RGS7: variants seen among roughly 807,000 people sequenced by gnomAD.
RGS7 encodes regulator of G protein signaling 7, also known as regulator of G-protein signaling 7.
A neutral mutation model predicts 81.1 loss-of-function variants in RGS7; 27 were observed. The ratio of observed to expected loss-of-function variants is 0.33; its 90% CI spans 0.25 to 0.46. RGS7 has a LOEUF of 0.46. Ranked by LOEUF, RGS7 falls within the 20% of genes least tolerant of loss-of-function variation. The pLI, the probability that RGS7 is intolerant of heterozygous loss-of-function variation, is 1.00. For missense variants in RGS7, 396 were observed against 607.4 expected (o/e 0.65, Z 3.66); for synonymous variants, 208 against 207.7 (o/e 1.00, Z -0.01).
chr1:240,942,014 G>A (rs1016232538), intron 4 of RGS7, among the ~76,000 whole-genome samples: 2 of 151,780 alleles, frequency 1.3e-5, no homozygotes, highest in African/African-American at 4.8e-5. Flanking sequence ...TTTTTGTTTG[G>A]ATATTCAAGC....
At chr1:240,806,083 T>G (rs1341534811) in intron 15 of RGS7, 57 bp downstream of exon 15, 2 of 1,426,638 alleles carry the variant, frequency 1.4e-6, no homozygotes, top group Non-Finnish European at 2.0e-6. Context: ...AATGAATACA[T>G]CTAACGCTCA....
chr1:241,256,836 G>A (rs920267519), intron 2 of RGS7, among the ~76,000 whole-genome samples: 1 of 151,648 alleles, frequency 6.6e-6, no homozygotes, highest in Non-Finnish European at 1.5e-5. Flanking sequence ...TGAGTTTTGG[G>A]GAGGCACAAA....
chr1:241,189,965 C>A (rs370145478), intron 2 of RGS7, among the ~76,000 whole-genome samples: 9 of 152,036 alleles, frequency 5.9e-5, no homozygotes, highest in South Asian at 2.1e-4. Flanking sequence ...TAGCCGGGCG[C>A]GGTGGTGGGC....
At chr1:241,261,406 G>A (rs1440761760) in intron 2 of RGS7, among the ~76,000 whole-genome samples, 2 of 151,698 alleles carry the variant, frequency 1.3e-5, no homozygotes, top group African/African-American at 4.8e-5. Flanking sequence ...AGATCACAAG[G>A]TCAGGAGACT....
At chr1:240,998,041 C>T (rs1399197471) in intron 3 of RGS7, among the ~76,000 whole-genome samples, 6 of 152,116 alleles carry the variant, frequency 3.9e-5, no homozygotes, top group Admixed American at 6.6e-5. Flanking sequence ...TTCATTTCCC[C>T]GTTATGCCTC....
chr1:241,208,988 G>A (rs760093217), intron 2 of RGS7, among the ~76,000 whole-genome samples: 6 of 152,206 alleles, frequency 3.9e-5, no homozygotes, highest in Non-Finnish European at 8.8e-5. Context: ...GTGGAGGCAA[G>A]GACTGCGCCT....
rs112117491 is a variant in RGS7, at chr1:241,166,945, G to A, written c.79-68183C>T. 7.5e-3 allele frequency among the ~76,000 whole-genome samples: 1,138 copies of A among 152,296 alleles called. 14 individuals carry two copies. Among genetic ancestry groups the A allele is most frequent in the African/African-American group, 0.026 (1,068 of 41,552 alleles). The stretch of plus-strand genomic sequence containing the variant: ...GATGGGAATCTGTTATTCTTGACCA[G>A]TAAAATGTGTTAATTGCTATGAAAT... On this transcript the variant is annotated intron_variant, in intron 2 of 18. Coordinates refer to ENST00000440928, the MANE Select transcript of RGS7 (RefSeq NM_001364886.1).
intron 2 of RGS7, among the ~76,000 whole-genome samples, chr1:241,178,073 G>A (rs1363690912): frequency 6.6e-6 from 1 of 152,148 alleles, no homozygotes; most frequent in African/African-American, 2.4e-5. Context: ...GTTTGCTCGA[G>A]GCCAGGAGTT....
chr1:241,230,299 C>T (rs181170759), intron 2 of RGS7, among the ~76,000 whole-genome samples: 4 of 150,678 alleles, frequency 2.7e-5, no homozygotes, highest in African/African-American at 7.3e-5. Context: ...CTGAAAACTC[C>T]GCCTCCCAGG....
chr1:241,016,314 A>T (rs1013621491), intron 3 of RGS7, among the ~76,000 whole-genome samples: 47 of 152,056 alleles, frequency 3.1e-4, no homozygotes, highest in Admixed American at 1.8e-3. Flanking sequence ...GGTCAAGAGA[A>T]CAAGACCATC....
intron 10 of RGS7, among the ~76,000 whole-genome samples, chr1:240,826,112 G>C (rs1692766076): frequency 1.3e-5 from 2 of 152,204 alleles, no homozygotes; most frequent in Admixed American, 6.5e-5. Flanking sequence ...CCACCAGAGA[G>C]ACAGACCAGA....
chr1:240,835,683 C>A (rs1262796920), intron 9 of RGS7, among the ~76,000 whole-genome samples: 1 of 152,128 alleles, frequency 6.6e-6, no homozygotes, highest in African/African-American at 2.4e-5. Context: ...TTCAAAGCAA[C>A]CAAGATGTCC....
chr1:241,007,216 CTTCT>C (rs985270852), intron 3 of RGS7, among the ~76,000 whole-genome samples: 1 of 152,138 alleles, frequency 6.6e-6, no homozygotes, highest in Non-Finnish European at 1.5e-5. Context: ...TGCGCCCAGC[CTTCT>C]TTCTTTAGAT....
At chr1:240,886,061 A>G (rs2995381) in intron 6 of RGS7, among the ~76,000 whole-genome samples, 115,234 of 152,080 alleles carry the variant, frequency 0.76, 43,970 homozygotes, top group Middle Eastern at 0.84. Context: ...AAATGTAATA[A>G]AGTAAGAAAT....
At chr1:241,096,816 A>G (rs1020441529) in intron 3 of RGS7, among the ~76,000 whole-genome samples, 4 of 152,182 alleles carry the variant, frequency 2.6e-5, no homozygotes, top group African/African-American at 9.7e-5. Context: ...TTTTTTGTTT[A>G]GCCTATGTAT....
rs1391178312 is a variant in RGS7, at chr1:240,806,238, G to A, written c.1171C>T (p.Pro391Ser). The A allele has an allele frequency of 6.8e-6, 11 of 1,613,892 alleles. No individual in the cohort carries two copies. Among genetic ancestry groups the A allele is most frequent in the Non-Finnish European group, 9.3e-6 (11 of 1,179,910 alleles). Reference sequence around the variant, plus strand: ...AAGTTAATAGCACTGGGGGCTCCGGGAGCCAGAAACTCTTGCCATATTTCC... The same window carrying A: ...AAGTTAATAGCACTGGGGGCTCCGGAAGCCAGAAACTCTTGCCATATTTCC... ...VQEIWQEFLA[P>S]GAPSAINLDS... Residue 391 changes from proline (P) to serine (S), a missense_variant, in exon 15 of 19, where the codon CCC becomes TCC. Coordinates refer to ENST00000440928, the MANE Select transcript of RGS7 (RefSeq NM_001364886.1).
chr1:240,776,224 A>G lies in RGS7; in HGVS notation c.*7-11T>C. On this transcript the variant is annotated splice_polypyrimidine_tract_variant and intron_variant, in intron 18 of 18. Coordinates refer to ENST00000440928, the MANE Select transcript of RGS7 (RefSeq NM_001364886.1). Reference sequence around the variant, plus strand: ...CGTGAGAGATTTCCCCTGAGAAAATATATAAAACAAGAGAAAAGAAAGAAA... The same window carrying G: ...CGTGAGAGATTTCCCCTGAGAAAATGTATAAAACAAGAGAAAAGAAAGAAA... The G allele has an allele frequency of 1.9e-6, 3 of 1,599,514 alleles. No individual in the cohort carries two copies. Among genetic ancestry groups the G allele is most frequent in the Admixed American group, 3.3e-5 (2 of 60,010 alleles).
At chr1:241,134,357 C>T (rs1032669125) in intron 2 of RGS7, among the ~76,000 whole-genome samples, 5 of 152,104 alleles carry the variant, frequency 3.3e-5, no homozygotes, top group Non-Finnish European at 5.9e-5. Flanking sequence ...GACAGAATGC[C>T]GTGGGACTTC....
intron 2 of RGS7, among the ~76,000 whole-genome samples, chr1:241,127,199 G>A (rs1278750667): frequency 1.3e-5 from 2 of 152,098 alleles, no homozygotes; most frequent in Non-Finnish European, 1.5e-5. Context: ...AGTAGAAATA[G>A]GAGTTATTCT....
Sources: allele counts gnomAD v4.1 joint callset (sites outside exome capture counted in the v4.1 genomes callset), GRCh38; gene constraint gnomAD v4.1.1; transcripts MANE v1.5; gene names NCBI Gene and HGNC (gene_info 2026-07-23, HGNC 2026-07-21).